Variants in FBXO31 observed in about 807,000 individuals in gnomAD.
The protein encoded by FBXO31 is F-box protein 31.
A neutral mutation model predicts 54.4 loss-of-function variants in FBXO31; 24 were observed. The observed-to-expected ratio is 0.44, with a 90% CI of 0.32 to 0.62. The LOEUF (loss-of-function observed/expected upper bound fraction) is 0.62, where lower values mean the gene tolerates loss of function less well. Among genes scored for constraint, FBXO31 ranks in the 20% least tolerant of loss-of-function variants. The pLI is 0.05. For synonymous variants in FBXO31, 388 were observed against 335.6 expected (o/e 1.16, Z -1.71); for missense variants, 665 against 787.1 (o/e 0.84, Z 1.86).
rs553140232 is a variant in FBXO31, at chr16:87,338,375, C to T, written c.733-2111G>A. ...GAGGGGGCTGAGGGTGACAAGGATG[C>T]CTGCTGGCTGCTTGAAACAGGAGCA... On this transcript the variant is annotated intron_variant, in intron 5 of 8. Coordinates refer to ENST00000311635, the MANE Select transcript of FBXO31 (RefSeq NM_024735.5). This position sits in a 1 kb window ranked among gnomAD's most constrained non-coding sequence, Gnocchi z 4.3. 6.6e-6 allele frequency among the ~76,000 whole-genome samples: 1 copy of T among 152,164 alleles called. No homozygotes were observed. The highest frequency in any genetic ancestry group is 2.1e-4 in the South Asian group (1 of 4,828).
chr16:87,356,237 A>G (rs912037539), intron 2 of FBXO31, among the ~76,000 whole-genome samples: 2 of 151,618 alleles, frequency 1.3e-5, no homozygotes, highest in Non-Finnish European at 2.9e-5. Flanking sequence ...TCAAAAAAAA[A>G]AAAAAAGAAA....
At chr16:87,366,335 T>A (rs982528828) in intron 1 of FBXO31, among the ~76,000 whole-genome samples, 1 of 152,232 alleles carries the variant, frequency 6.6e-6, no homozygotes, top group African/African-American at 2.4e-5. Context: ...TGCAATTTTT[T>A]AATAAATCCT....
chr16:87,387,659 T>C (rs544605596), upstream of FBXO31, among the ~76,000 whole-genome samples: 64 of 152,280 alleles, frequency 4.2e-4, no homozygotes, highest in African/African-American at 1.4e-3. Context: ...TACAAAAAAT[T>C]AGCTGGGCGT....
chr16:87,378,527 G>A (rs1170454296), intron 1 of FBXO31, among the ~76,000 whole-genome samples: 2 of 152,214 alleles, frequency 1.3e-5, no homozygotes, highest in African/African-American at 4.8e-5. Flanking sequence ...TTCTCCTTCT[G>A]GGACTTGCCC....
chr16:87,357,024 A>C (rs889600), intron 2 of FBXO31, among the ~76,000 whole-genome samples: 86,743 of 151,992 alleles, frequency 0.57, 25,755 homozygotes, highest in East Asian at 1. Context: ...GGTGGGAGGA[A>C]TGAATGAGCC....
intron 1 of FBXO31, among the ~76,000 whole-genome samples, chr16:87,365,847 A>G (rs4843239): frequency 0.5 from 75,231 of 151,948 alleles, 21,011 homozygotes; most frequent in East Asian, 1. Context: ...GGCCAACATG[A>G]TGAAACCCGG....
rs2150684932 is a variant in FBXO31 at position 87,358,777 on chromosome 16, C to T, written c.412+1518G>A. 6.6e-6 allele frequency among the ~76,000 whole-genome samples: 1 copy of T among 152,176 alleles called. No individual in the cohort carries two copies. Among genetic ancestry groups the T allele is most frequent in the Non-Finnish European group, 1.5e-5 (1 of 68,042 alleles). Reference sequence around the variant, plus strand: ...GATCACACTCCTCCCGGGGCCAGCACACTCCCGGCAGGCCCCAGGCCACAG... The same window carrying T: ...GATCACACTCCTCCCGGGGCCAGCATACTCCCGGCAGGCCCCAGGCCACAG... On this transcript the variant is annotated intron_variant, in intron 2 of 8. Coordinates refer to ENST00000311635, the MANE Select transcript of FBXO31 (RefSeq NM_024735.5). The surrounding 1 kb of genome is among the most constrained non-coding windows in gnomAD (Gnocchi z 4.0).
intron 1 of FBXO31, among the ~76,000 whole-genome samples, chr16:87,377,525 T>G (rs1046304346): frequency 6.6e-6 from 1 of 151,950 alleles, no homozygotes; most frequent in African/African-American, 2.4e-5. Context: ...TGAGAAAATG[T>G]TTTTCAATAT....
At chr16:87,378,274 G>A (rs1222387057) in intron 1 of FBXO31, among the ~76,000 whole-genome samples, 1 of 151,960 alleles carries the variant, frequency 6.6e-6, no homozygotes, top group African/African-American at 2.4e-5. Flanking sequence ...AAATCCAAAT[G>A]ATCAATAAAT....
intron 8 of FBXO31, 127 bp from the exon 9 acceptor site, chr16:87,331,637 G>T: frequency 1.3e-6 from 1 of 791,620 alleles, no homozygotes; most frequent in Non-Finnish European, 2.0e-6. Flanking sequence ...GCCAGAAGCT[G>T]ACTCCCAGAG....
In FBXO31 at chr16:87,329,792, C is replaced by T. The variant is rs987831982; in HGVS notation, c.*1496G>A. The stretch of plus-strand genomic sequence containing the variant: ...GGCCGGCCAGATTACCATTTAGGAA[C>T]CTTTGCCAATTCTCTGACTCTGGGA... On this transcript the variant is annotated 3_prime_UTR_variant, in exon 9 of 9. Coordinates refer to ENST00000311635, the MANE Select transcript of FBXO31 (RefSeq NM_024735.5). The T allele has an allele frequency of 6.6e-6, 1 of 152,262 alleles. No individual in the cohort carries two copies. The highest frequency in any genetic ancestry group is 2.4e-5 in the African/African-American group (1 of 41,470). 9.4% of individuals were successfully genotyped at this position (152,262 alleles called of 1,614,324 possible).
chr16:87,334,801 G>A (rs1291981029), intron 7 of FBXO31, among the ~76,000 whole-genome samples: 1 of 152,218 alleles, frequency 6.6e-6, no homozygotes, highest in East Asian at 1.9e-4. Context: ...GCATGTGCCA[G>A]GAGCCCTGGC....
At chr16:87,384,236 G>A (rs1382390469), upstream of FBXO31, 1 of 152,292 alleles carries the variant, frequency 6.6e-6, no homozygotes, top group Non-Finnish European at 1.5e-5. Context: ...CAAATACAGA[G>A]GCAGCAGCCA....
chr16:87,351,107 G>A (rs1280714903), intron 2 of FBXO31, among the ~76,000 whole-genome samples: 1 of 152,224 alleles, frequency 6.6e-6, no homozygotes, highest in Non-Finnish European at 1.5e-5. Flanking sequence ...CACAGACCCA[G>A]AGGGGACACA....
chr16:87,376,309 T>G (rs569242239), intron 1 of FBXO31, among the ~76,000 whole-genome samples: 36 of 152,050 alleles, frequency 2.4e-4, no homozygotes, highest in African/African-American at 8.4e-4. Context: ...AGTCTTACTC[T>G]GTCGCCCAGG....
Position 87,383,674 on chromosome 16 carries a change from C to T in FBXO31, c.71G>A (p.Gly24Asp). The change falls in exon 1 of 9, where the codon GGC (glycine) becomes GAC (aspartate). Residue 24 changes from glycine to aspartate, a missense_variant. This residue lies in a region of FBXO31 where 195 missense variants were observed against 174.8 expected (regional missense o/e 1.12). Coordinates refer to ENST00000311635, the MANE Select transcript of FBXO31 (RefSeq NM_024735.5). The surrounding 1 kb of genome is among the most constrained non-coding windows in gnomAD (Gnocchi z 4.9). Reference protein sequence around the residue: ...RGCRRRQQRRGPAETAAADSE... With the variant: ...RGCRRRQQRRDPAETAAADSE... Reference sequence around the variant, plus strand: ...GTCGGCCGCCGCCGTCTCGGCCGGGCCCCGGCGCTGCTGGCGGCGCCGACA... The same window carrying T: ...GTCGGCCGCCGCCGTCTCGGCCGGGTCCCGGCGCTGCTGGCGGCGCCGACA... The T allele has an allele frequency of 7.7e-7, 1 of 1,292,952 alleles. No individual in the cohort carries two copies. Among genetic ancestry groups the T allele is most frequent in the Non-Finnish European group, 9.7e-7 (1 of 1,026,850 alleles). The allele number at this position is 1,292,952 out of a possible 1,614,324, so 80.1% of individuals were successfully genotyped here.
upstream of FBXO31, among the ~76,000 whole-genome samples, chr16:87,391,258 G>C (rs1158473100): frequency 2.0e-5 from 3 of 152,152 alleles, no homozygotes; most frequent in Non-Finnish European, 4.4e-5. Context: ...CGCGAGCTAT[G>C]ATCGTGCCAC....
intron 2 of FBXO31, among the ~76,000 whole-genome samples, chr16:87,352,799 G>C (rs942474564): frequency 6.6e-6 from 1 of 152,158 alleles, no homozygotes; most frequent in Non-Finnish European, 1.5e-5. Flanking sequence ...AAATGCTCCC[G>C]AAATGAATTC....
chr16:87,329,440 G>T lies in FBXO31; in HGVS notation c.*1848C>A, dbSNP rs929730527. On this transcript the variant is annotated 3_prime_UTR_variant, in exon 9 of 9. Coordinates refer to ENST00000311635, the MANE Select transcript of FBXO31 (RefSeq NM_024735.5). Reference sequence around the variant, plus strand: ...GACTGCGTCCCTTAGAGCGAGGCTCGGGCTCTTGGTAAAAAAGCATTTGCT... The same window carrying T: ...GACTGCGTCCCTTAGAGCGAGGCTCTGGCTCTTGGTAAAAAAGCATTTGCT... The T allele has an allele frequency of 3.3e-5, 5 of 152,256 alleles. No individual in the cohort carries two copies. The highest frequency in any genetic ancestry group is 1.2e-4 in the African/African-American group (5 of 41,460). 9.4% of individuals were successfully genotyped at this position (152,256 alleles called of 1,614,324 possible).
Sources: allele counts gnomAD v4.1 joint callset (sites outside exome capture counted in the v4.1 genomes callset), GRCh38; gene constraint gnomAD v4.1.1; regional missense constraint gnomAD v4.1.1; non-coding constraint Gnocchi (gnomAD v3.1); transcripts MANE v1.5; gene names NCBI Gene and HGNC (gene_info 2026-07-23, HGNC 2026-07-21).